The following USP14 variants were observed in gnomAD, a reference collection of about 807,000 sequenced individuals.
USP14 encodes the protein ubiquitin carboxyl-terminal hydrolase 14.
A neutral mutation model predicts 76.5 loss-of-function variants in USP14; 38 were observed. That is an observed-to-expected ratio of 0.50 (90% CI 0.38 to 0.65). The LOEUF is 0.65. Among genes scored for constraint, USP14 ranks in the 30% least tolerant of loss-of-function variants. USP14 has a pLI of 0.00. For missense variants in USP14, 467 were observed against 586.5 expected (o/e 0.80, Z 2.10); for synonymous variants, 192 against 191.7 (o/e 1.00, Z -0.01).
In USP14 at chr18:158,640, C is replaced by G; in HGVS notation, c.-59C>G. On this transcript the variant is annotated 5_prime_UTR_variant, in exon 1 of 16. Transcript: ENST00000261601. ...CCGCAGCTGCTCCTGGTCCCCGTCC[C>G]TTTGCCGCCCTCGTCAGGCCCAGCT... 1 of 1,508,282 alleles carries G rather than the reference C, an allele frequency of 6.6e-7. No homozygotes were observed. The highest frequency in any genetic ancestry group is 8.8e-7 in the Non-Finnish European group (1 of 1,132,386). 93.4% of individuals were successfully genotyped at this position (1,508,282 alleles called of 1,614,324 possible).
chr18:189,732 C>T (rs973989723), intron 5 of USP14, among the ~76,000 whole-genome samples: 3 of 152,126 alleles, frequency 2.0e-5, no homozygotes, highest in African/African-American at 7.2e-5. Context: ...CCACCTGCCT[C>T]GGCCTCCCAA....
intron 5 of USP14, among the ~76,000 whole-genome samples, chr18:186,077 T>C (rs1022623086): frequency 2.0e-5 from 3 of 152,140 alleles, no homozygotes; most frequent in Non-Finnish European, 4.4e-5. Context: ...AAAGTCTACA[T>C]ATTTGATATT....
At chr18:190,856 T>A (rs1201950892) in intron 5 of USP14, among the ~76,000 whole-genome samples, 2 of 152,158 alleles carry the variant, frequency 1.3e-5, no homozygotes, top group African/African-American at 4.8e-5. Flanking sequence ...ACTTCAGTGT[T>A]AATGTTATTT....
chr18:203,754 C>T (rs542491931), intron 12 of USP14, among the ~76,000 whole-genome samples: 10 of 152,124 alleles, frequency 6.6e-5, no homozygotes, highest in East Asian at 3.9e-4. Flanking sequence ...GGACTACAGG[C>T]GCCCGCCACC....
chr18:207,070 T>C (rs1910550564), intron 13 of USP14, among the ~76,000 whole-genome samples: 1 of 146,490 alleles, frequency 6.8e-6, no homozygotes, highest in Admixed American at 6.7e-5. Flanking sequence ...TTAAGAAGAC[T>C]GTTCTTTGCC....
At chr18:159,442 A>G (rs1390622095) in intron 1 of USP14, among the ~76,000 whole-genome samples, 2 of 152,182 alleles carry the variant, frequency 1.3e-5, no homozygotes, top group Non-Finnish European at 2.9e-5. Flanking sequence ...ACTTTTACTT[A>G]GGGAATGGAC....
intron 13 of USP14, among the ~76,000 whole-genome samples, chr18:205,549 G>A (rs536328982): frequency 6.6e-6 from 1 of 152,262 alleles, no homozygotes; most frequent in Non-Finnish European, 1.5e-5. Flanking sequence ...TGAGGCAGGA[G>A]GATCACTTTA....
intron 4 of USP14, 103 bp downstream of exon 4, chr18:179,140 A>G (rs997351414): frequency 1.5e-5 from 11 of 709,772 alleles, no homozygotes; most frequent in South Asian, 2.1e-5. Context: ...AGACTTAATC[A>G]TTAATACCAA....
intron 2 of USP14, 143 bp downstream of exon 2, chr18:163,596 T>C (rs1909185177): frequency 1.1e-6 from 1 of 897,826 alleles, no homozygotes; most frequent in Admixed American, 3.0e-5. Context: ...GTGTTAAAAC[T>C]GTCTTATGCC....
intron 8 of USP14, 91 bp from the exon 9 acceptor site, chr18:197,955 TA>T (rs1355758808): frequency 1.6e-5 from 18 of 1,139,144 alleles, no homozygotes; most frequent in East Asian, 2.6e-5. Context: ...ACTACATTTT[TA>T]AAAAAATATG....
intron 5 of USP14, among the ~76,000 whole-genome samples, chr18:191,218 A>G (rs1325839919): frequency 6.6e-6 from 1 of 152,214 alleles, no homozygotes; most frequent in Non-Finnish European, 1.5e-5. Context: ...TTTAAAAATG[A>G]ACACACATAA....
intron 3 of USP14, among the ~76,000 whole-genome samples, chr18:171,025 A>AAAAAAATAT (rs1327304974): frequency 4.2e-5 from 2 of 47,684 alleles, no homozygotes; most frequent in African/African-American, 1.7e-4. Flanking sequence ...AAAAAAAAAA[A>AAAAAAATAT]ATATATATAT....
At chr18:173,190 G>A (rs551441861) in intron 3 of USP14, among the ~76,000 whole-genome samples, 4 of 147,788 alleles carry the variant, frequency 2.7e-5, no homozygotes, top group African/African-American at 1.0e-4. Context: ...CTCACTGCAA[G>A]CTCCACCTCC....
intron 5 of USP14, among the ~76,000 whole-genome samples, chr18:192,455 T>C (rs1910116303): frequency 6.6e-6 from 1 of 152,078 alleles, no homozygotes; most frequent in Non-Finnish European, 1.5e-5. Context: ...TCCCAGCTGC[T>C]TGGGAGGCTG....
At chr18:179,084 A>T in intron 4 of USP14, 47 bp downstream of exon 4, 7 of 1,378,386 alleles carry the variant, frequency 5.1e-6, no homozygotes, top group Non-Finnish European at 7.0e-6. Flanking sequence ...TTTTTGAAGG[A>T]CCATTATTAA....
chr18:173,332 C>A (rs1909526685), intron 3 of USP14, among the ~76,000 whole-genome samples: 1 of 151,878 alleles, frequency 6.6e-6, no homozygotes, highest in Non-Finnish European at 1.5e-5. Context: ...AGGATGGTCT[C>A]TATCTCCTGA....
At chr18:174,390 T>C (rs564929558) in intron 3 of USP14, among the ~76,000 whole-genome samples, 2 of 151,246 alleles carry the variant, frequency 1.3e-5, no homozygotes, top group South Asian at 4.2e-4. Context: ...CTCAGCCTCC[T>C]GAGTAACTGG....
chr18:177,357 G>A (rs1023856094), intron 3 of USP14, among the ~76,000 whole-genome samples: 2 of 150,904 alleles, frequency 1.3e-5, no homozygotes, highest in East Asian at 1.9e-4. Context: ...AGAAGTGTGA[G>A]GCTACAGTGA....
At chr18:178,220 A>G (rs924518943) in intron 3 of USP14, among the ~76,000 whole-genome samples, 2 of 152,040 alleles carry the variant, frequency 1.3e-5, no homozygotes, top group African/African-American at 2.4e-5. Context: ...GGATTTCGCC[A>G]TGTTGCCCAG....
Sources: allele counts gnomAD v4.1 joint callset (sites outside exome capture counted in the v4.1 genomes callset), GRCh38; gene constraint gnomAD v4.1.1; transcripts MANE v1.5; gene names NCBI Gene and HGNC (gene_info 2026-07-23, HGNC 2026-07-21).